The following PRH1 variants were observed in gnomAD, a reference collection of about 807,000 sequenced individuals.
The protein encoded by PRH1 is proline rich protein HaeIII subfamily 1.
In PRH1, 7 loss-of-function variants were observed where a neutral mutation model predicts 7.9. The ratio of observed to expected loss-of-function variants is 0.89; its 90% CI spans 0.50 to 1.67. PRH1 has a LOEUF of 1.67. PRH1 is among the 40% of genes most tolerant of loss of function. PRH1 has a pLI of 0.00. For missense variants in PRH1, 109 were observed against 223.6 expected (o/e 0.49, Z 3.27); for synonymous variants, 45 against 80.8 (o/e 0.56, Z 2.38).
At position 11,088,448 on chromosome 12, in the gene PRH1, C is replaced by A. The variant is rs1944781562; in HGVS notation, n.124-41260G>T. Among the ~76,000 whole-genome samples, 2 of 104,370 alleles carry A rather than the reference C, an allele frequency of 1.9e-5. 1 individual carries two copies. Among genetic ancestry groups the A allele is most frequent in the African/African-American group, 6.7e-5 (2 of 29,936 alleles). The allele number at this position is 104,370 out of a possible 152,430, so 68.5% of individuals were successfully genotyped here. A position where few individuals can be genotyped will look rare whatever the true frequency, so the allele number is the denominator to read the frequency against. On this transcript the variant is annotated intron_variant and non_coding_transcript_variant, in intron 1 of 4. Coordinates refer to the PRH1 transcript ENST00000541977. ...TCTAACGATGAATGGAAGTAAAATA[C>A]CAGAAGAAAAGAAATCAACCTGAGA...
At position 11,096,847 on chromosome 12, in the gene PRH1, G is replaced by A. The variant is rs563851036; in HGVS notation, n.124-49659C>T. Among the ~76,000 whole-genome samples the A allele has an allele frequency of 4.3e-5, 5 of 115,014 alleles. 1 individual carries two copies. The allele number at this position is 115,014 out of a possible 152,430, so 75.5% of individuals were successfully genotyped here. A position where few individuals can be genotyped will look rare whatever the true frequency, so the allele number is the denominator to read the frequency against. On this transcript the variant is annotated intron_variant and non_coding_transcript_variant, in intron 1 of 4. Coordinates refer to the PRH1 transcript ENST00000541977. ...CGGAGTCTCGTTGTCTCCCAGGCTGGAGTGCAGCGGCGCGATCTCGGCTCA... is the reference window on the plus strand; with the variant it reads ...CGGAGTCTCGTTGTCTCCCAGGCTGAAGTGCAGCGGCGCGATCTCGGCTCA...
At chr12:11,061,486 C>T (rs1943599523) in intron 1 of PRH1, 1 of 1,614,150 alleles carries the variant, frequency 6.2e-7, no homozygotes, top group East Asian at 2.2e-5. Flanking sequence ...TGAAGGATAG[C>T]TGAATGCAAT....
At chr12:11,132,079 A>T (rs1235435463) in intron 1 of PRH1, among the ~76,000 whole-genome samples, 1 of 152,230 alleles carries the variant, frequency 6.6e-6, no homozygotes, top group Non-Finnish European at 1.5e-5. Flanking sequence ...TCTGAACAAC[A>T]TTGTTAAAAT....
At chr12:10,918,051 C>T (rs1949996993) in intron 2 of PRH1, among the ~76,000 whole-genome samples, 1 of 152,162 alleles carries the variant, frequency 6.6e-6, no homozygotes, top group East Asian at 1.9e-4. Context: ...TAAAAAGGAA[C>T]AAGATCATGT....
At chr12:10,955,047 A>T (rs895601290) in intron 2 of PRH1, among the ~76,000 whole-genome samples, 1 of 152,194 alleles carries the variant, frequency 6.6e-6, no homozygotes, top group Non-Finnish European at 1.5e-5. Flanking sequence ...TAACAAAGTT[A>T]TTCAGGACCT....
chr12:11,169,401 G>C (rs578149353), intron 1 of PRH1, among the ~76,000 whole-genome samples: 2 of 152,298 alleles, frequency 1.3e-5, no homozygotes, highest in African/African-American at 4.8e-5. Context: ...GTAGGATTTG[G>C]AGCTTTGTGA....
intron 1 of PRH1, among the ~76,000 whole-genome samples, chr12:10,974,716 G>A (rs1422886988): frequency 6.6e-6 from 1 of 152,092 alleles, no homozygotes; most frequent in Non-Finnish European, 1.5e-5. Context: ...AAGAACTCTG[G>A]CAACACGAAA....
chr12:10,886,190 G>A (rs1243478435), upstream of PRH1, among the ~76,000 whole-genome samples: 3 of 152,160 alleles, frequency 2.0e-5, no homozygotes, highest in East Asian at 3.9e-4. Context: ...GTTTCACCAG[G>A]TACTGTTTCC....
intron 1 of PRH1, among the ~76,000 whole-genome samples, chr12:11,129,654 G>A (rs529269085): frequency 2.6e-5 from 4 of 152,406 alleles, no homozygotes; most frequent in South Asian, 4.1e-4. Flanking sequence ...TATCTTCACT[G>A]AGCAGAGCAG....
Position 11,012,411 on chromosome 12 carries a change from T to A in PRH1, c.-126+34609A>T, listed in dbSNP as rs375926788. ...ATTATGTATAAAACGCAGATGATAA[T>A]AATACTCTGGGTAGTCCTTATGAGG... On this transcript the variant is annotated intron_variant, in intron 1 of 3. Transcript: ENST00000539853. Among the ~76,000 whole-genome samples the A allele has an allele frequency of 3.4e-4, 52 of 152,256 alleles. 1 individual carries two copies. In the South Asian group the frequency reaches 8.9e-3, roughly 26 times the overall value.
chr12:10,964,028 A>G (rs1938382038), intron 2 of PRH1, among the ~76,000 whole-genome samples: 1 of 152,232 alleles, frequency 6.6e-6, no homozygotes, highest in Non-Finnish European at 1.5e-5. Context: ...ATAACAGTGG[A>G]AAAGAGCAAT....
intron 1 of PRH1, among the ~76,000 whole-genome samples, chr12:11,079,504 T>A (rs112817010): frequency 0.12 from 7,046 of 59,774 alleles, 212 homozygotes; most frequent in East Asian, 0.18. Flanking sequence ...CCACCAAATC[T>A]AGCTTAGAAA....
intron 2 of PRH1, among the ~76,000 whole-genome samples, chr12:10,941,511 T>C: frequency 6.6e-6 from 1 of 151,886 alleles, no homozygotes. Context: ...AAAATTTATG[T>C]ACTAACTGTA....
chr12:11,056,950 A>G lies in PRH1; in HGVS notation n.124-9762T>C, dbSNP rs535640885. On this transcript the variant is annotated intron_variant and non_coding_transcript_variant, in intron 1 of 4. Transcript: ENST00000541977. ...TATAGGCAGGAACCAAAGATTGTTA[A>G]TTATTGATTTGAACCTGTTTTACTT... Among the ~76,000 whole-genome samples the G allele has an allele frequency of 5.9e-5, 9 of 152,342 alleles. No homozygotes were observed. The East Asian group carries it at 1.5e-3, about 26-fold the overall frequency.
intron 1 of PRH1, among the ~76,000 whole-genome samples, chr12:11,001,452 C>T (rs1195355070): frequency 2.6e-5 from 4 of 152,032 alleles, no homozygotes; most frequent in African/African-American, 7.2e-5. Context: ...TTAGATGTGC[C>T]AGCAACCTGT....
chr12:11,017,045 T>C (rs1307889878), intron 1 of PRH1, among the ~76,000 whole-genome samples: 1 of 152,250 alleles, frequency 6.6e-6, no homozygotes, highest in Non-Finnish European at 1.5e-5. Flanking sequence ...AATCACTACT[T>C]ACAAATGCTC....
At chr12:11,154,449 T>C (rs758007743) in intron 1 of PRH1, among the ~76,000 whole-genome samples, 7 of 152,218 alleles carry the variant, frequency 4.6e-5, no homozygotes, top group South Asian at 2.1e-4. Context: ...ATACTCTTAA[T>C]TGGGGAGAGG....
Position 11,082,726 on chromosome 12 carries a change from C to T in PRH1, n.124-35538G>A, listed in dbSNP as rs984578199. ...TACTTGCTATTTTTTTCTTCTATTGCATTCTAAAAATTATGCCAAAAGTGA... is the reference window on the plus strand; with the variant it reads ...TACTTGCTATTTTTTTCTTCTATTGTATTCTAAAAATTATGCCAAAAGTGA... On this transcript the variant is annotated intron_variant and non_coding_transcript_variant, in intron 1 of 4. Transcript: ENST00000541977. 2.6e-5 allele frequency among the ~76,000 whole-genome samples: 3 copies of T among 116,204 alleles called. 1 individual carries two copies. In the East Asian group the frequency reaches 6.3e-4, roughly 24 times the overall value. 76.2% of individuals were successfully genotyped at this position (116,204 alleles called of 152,430 possible).
At position 11,079,100 on chromosome 12, in the gene PRH1, A is replaced by C. The variant is rs1189228334; in HGVS notation, n.124-31912T>G. 12 of 115,048 alleles carry C rather than the reference A, an allele frequency of 1.0e-4. 2 individuals carry two copies. The East Asian group carries it at 2.2e-3, about 21-fold the overall frequency. 7.1% of individuals were successfully genotyped at this position (115,048 alleles called of 1,614,324 possible). On this transcript the variant is annotated intron_variant and non_coding_transcript_variant, in intron 1 of 4. Transcript: ENST00000541977. ...TTAGGCCATTGATAAATTTAGTCTC[A>C]AGTCTGTTTTTTGTTTAAATATTAA...
Sources: allele counts gnomAD v4.1 joint callset (sites outside exome capture counted in the v4.1 genomes callset), GRCh38; gene constraint gnomAD v4.1.1; transcripts MANE v1.5; gene names NCBI Gene and HGNC (gene_info 2026-07-23, HGNC 2026-07-21).